Variants in ZBTB45 observed in about 807,000 individuals in gnomAD.
ZBTB45 encodes zinc finger and BTB domain-containing protein 45.
Under a neutral mutation model 28.4 loss-of-function variants are expected in ZBTB45, and 22 were observed. The observed-to-expected ratio is 0.77, with a 90% CI of 0.55 to 1.10. ZBTB45 has a LOEUF of 1.10. Ranked by LOEUF, ZBTB45 falls within the 50% of genes least tolerant of loss-of-function variation. The pLI, the probability that ZBTB45 is intolerant of heterozygous loss-of-function variation, is 0.00. For synonymous variants in ZBTB45, 361 were observed against 332.3 expected, an observed-to-expected ratio of 1.09 and a Z score of -0.94; for missense variants, 656 against 750.2, an observed-to-expected ratio of 0.87 and a Z score of 1.47.
chr19:58,525,024 G>C (rs1158553522), intron 1 of ZBTB45, among the ~76,000 whole-genome samples: 2 of 152,146 alleles, frequency 1.3e-5, no homozygotes, highest in African/African-American at 4.8e-5. Flanking sequence ...AGGGTGACTG[G>C]GCCTCCTCAG....
chr19:58,531,418 T>G (rs1191902192), intron 1 of ZBTB45, among the ~76,000 whole-genome samples: 1 of 152,208 alleles, frequency 6.6e-6, no homozygotes, highest in African/African-American at 2.4e-5. Context: ...CCTGTACACT[T>G]ACGGGTTCCC....
At chr19:58,514,450 C>T in intron 2 of ZBTB45, 140 bp from the exon 3 acceptor site, 1 of 1,112,934 alleles carries the variant, frequency 9.0e-7, no homozygotes, top group Non-Finnish European at 1.2e-6. Context: ...GATCCCTTGC[C>T]TATCAGAGAA....
At chr19:58,524,050 G>GCTGACAGAGA, upstream of ZBTB45, among the ~76,000 whole-genome samples, 1 of 128,632 alleles carries the variant, frequency 7.8e-6, no homozygotes, top group Non-Finnish European at 1.7e-5. Context: ...CTCCAGCCTG[G>GCTGACAGAGA]GAGACTCTGT....
intron 1 of ZBTB45, among the ~76,000 whole-genome samples, chr19:58,537,750 G>T (rs1018163383): frequency 1.3e-5 from 2 of 151,980 alleles, no homozygotes; most frequent in Non-Finnish European, 2.9e-5. Context: ...AGAGGCAGGT[G>T]TGGGTCCTGT....
intron 1 of ZBTB45, among the ~76,000 whole-genome samples, chr19:58,535,304 C>T (rs539802505): frequency 6.6e-6 from 1 of 152,100 alleles, no homozygotes; most frequent in African/African-American, 2.4e-5. Flanking sequence ...CTGCACCCGG[C>T]CTGTTTGATT....
intron 1 of ZBTB45, among the ~76,000 whole-genome samples, chr19:58,536,311 A>G (rs1230093657): frequency 1.3e-5 from 2 of 151,930 alleles, no homozygotes; most frequent in Non-Finnish European, 2.9e-5. Flanking sequence ...TAAAAATACA[A>G]AAAAATTAGC....
intron 1 of ZBTB45, among the ~76,000 whole-genome samples, chr19:58,536,204 G>A (rs920904711): frequency 3.9e-5 from 6 of 151,980 alleles, no homozygotes; most frequent in African/African-American, 1.5e-4. Context: ...GACGGTGCAC[G>A]CCTGTAATCC....
At chr19:58,514,552 G>A (rs192071155) in intron 2 of ZBTB45, among the ~76,000 whole-genome samples, 2 of 152,170 alleles carry the variant, frequency 1.3e-5, no homozygotes, top group Admixed American at 1.3e-4. Flanking sequence ...TGCCCAACAG[G>A]GATCCTCATA....
Position 58,537,159 on chromosome 19 carries a change from T to C in ZBTB45, c.-1+1542A>G, listed in dbSNP as rs563939516. Among the ~76,000 whole-genome samples the C allele has an allele frequency of 2.6e-5, 4 of 152,266 alleles. No homozygotes were observed. The South Asian group carries it at 8.3e-4, about 32-fold the overall frequency. On this transcript the variant is annotated intron_variant, in intron 1 of 1. Coordinates refer to the ZBTB45 transcript ENST00000600130. ...CCCACTCTGCTGTCCCTGAGTCAGCTTGAGCCTGTTTTCTAGTTAATCTCC... is the reference window on the plus strand; with the variant it reads ...CCCACTCTGCTGTCCCTGAGTCAGCCTGAGCCTGTTTTCTAGTTAATCTCC...
intron 1 of ZBTB45, chr19:58,538,678 C>G (rs1438823941): frequency 1.3e-5 from 2 of 152,180 alleles, no homozygotes; most frequent in African/African-American, 4.8e-5. Flanking sequence ...ACCCTCACGC[C>G]CCGCCCGGCT....
At chr19:58,524,906 T>C (rs10432292) in intron 1 of ZBTB45, among the ~76,000 whole-genome samples, 128,321 of 151,468 alleles carry the variant, frequency 0.85, 56,164 homozygotes, top group Non-Finnish European at 0.96. Context: ...AAAAAAACAA[T>C]TCCAGGCTAA....
chr19:58,538,051 T>C (rs918392013), intron 1 of ZBTB45, among the ~76,000 whole-genome samples: 1 of 152,018 alleles, frequency 6.6e-6, no homozygotes, highest in Non-Finnish European at 1.5e-5. Context: ...TTGGTCAGGC[T>C]GGTGGCGAAC....
At chr19:58,535,782 T>C (rs1346330977) in intron 1 of ZBTB45, among the ~76,000 whole-genome samples, 1 of 152,202 alleles carries the variant, frequency 6.6e-6, no homozygotes, top group Non-Finnish European at 1.5e-5. Flanking sequence ...TCTTCATCCA[T>C]TTGCTTGTCC....
chr19:58,538,560 C>A (rs945822725), intron 1 of ZBTB45: 1 of 152,226 alleles, frequency 6.6e-6, no homozygotes, highest in Non-Finnish European at 1.5e-5. Flanking sequence ...CCGCGGCCCC[C>A]AGTCCCCATC....
chr19:58,518,530 A>T (rs2053544709), intron 1 of ZBTB45, among the ~76,000 whole-genome samples: 1 of 151,710 alleles, frequency 6.6e-6, no homozygotes, highest in Non-Finnish European at 1.5e-5. Flanking sequence ...CAGAGAGGGG[A>T]AGTGTGGATT....
Position 58,515,337 on chromosome 19 carries a change from A to AC in ZBTB45, c.1280-1028_1280-1027insG, listed in dbSNP as rs1394002139. Reference sequence around the variant, plus strand: ...TCTCAAAAAAAATTAAAAAAAAAAAAACCCTATCTCAGTGGCAGTGGACTG... The same window carrying AC: ...TCTCAAAAAAAATTAAAAAAAAAAAACACCCTATCTCAGTGGCAGTGGACTG... On this transcript the variant is annotated intron_variant, in intron 2 of 2. Coordinates refer to ENST00000594051, the MANE Select transcript of ZBTB45 (RefSeq NM_001316979.2). This position sits in a 1 kb window ranked among gnomAD's most constrained non-coding sequence, Gnocchi z 4.7. Among the ~76,000 whole-genome samples, 3 of 151,022 alleles carry AC rather than the reference A, an allele frequency of 2.0e-5. No homozygotes were observed. The highest frequency in any genetic ancestry group is 4.4e-5 in the Non-Finnish European group (3 of 67,564).
Position 58,513,734 on chromosome 19 carries a change from G to T in ZBTB45, c.*320C>A. 3.5e-6 allele frequency: 1 copy of T among 288,130 alleles called. No individual in the cohort carries two copies. Among genetic ancestry groups the T allele is most frequent in the South Asian group, 1.3e-4 (1 of 7,556 alleles). The allele number at this position is 288,130 out of a possible 1,614,324, so 17.8% of individuals were successfully genotyped here. A position where few individuals can be genotyped will look rare whatever the true frequency, so the allele number is the denominator to read the frequency against. On this transcript the variant is annotated 3_prime_UTR_variant, in exon 3 of 3. Coordinates refer to ENST00000594051, the MANE Select transcript of ZBTB45 (RefSeq NM_001316979.2). ...GCCCCCACCACCACCCCAGGAGAGG[G>T]CGGGGTGAGAACCGGAGTCAAATCT...
chr19:58,525,396 A>G (rs1180307418), intron 1 of ZBTB45, among the ~76,000 whole-genome samples: 2 of 152,212 alleles, frequency 1.3e-5, no homozygotes, highest in Admixed American at 1.3e-4. Flanking sequence ...TTTAAGGCAG[A>G]TAGCAGCGGA....
upstream of ZBTB45, chr19:58,520,105 T>A (rs2053565853): frequency 6.6e-6 from 1 of 152,088 alleles, no homozygotes; most frequent in Non-Finnish European, 1.5e-5. Context: ...CCGGCCCAAG[T>A]GCCCAACGTG....
Sources: allele counts gnomAD v4.1 joint callset (sites outside exome capture counted in the v4.1 genomes callset), GRCh38; gene constraint gnomAD v4.1.1; non-coding constraint Gnocchi (gnomAD v3.1); transcripts MANE v1.5; gene names NCBI Gene and HGNC (gene_info 2026-07-23, HGNC 2026-07-21).